ATP8A2: variants seen among roughly 807,000 people sequenced by gnomAD.
ATP8A2 encodes the protein ATPase phospholipid transporting 8A2, also known as phospholipid-transporting ATPase IB.
Under a neutral mutation model 165.6 loss-of-function variants are expected in ATP8A2, and 100 were observed. The observed-to-expected ratio is 0.60, with a 90% CI of 0.51 to 0.71. The LOEUF (loss-of-function observed/expected upper bound fraction) is 0.71. ATP8A2 is among the 30% of genes least tolerant of loss of function. The pLI is 0.00. For synonymous variants in ATP8A2, 543 were observed against 548.8 expected, an observed-to-expected ratio of 0.99 and a Z score of 0.15; for missense variants, 1,227 against 1,479.5, an observed-to-expected ratio of 0.83 and a Z score of 2.80.
intron 27 of ATP8A2, among the ~76,000 whole-genome samples, chr13:25,780,513 A>G (rs1191152720): frequency 1.3e-5 from 2 of 152,168 alleles, no homozygotes; most frequent in Admixed American, 6.5e-5. Flanking sequence ...TTGGGGACCA[A>G]ATGAAACTGA....
intron 24 of ATP8A2, among the ~76,000 whole-genome samples, chr13:25,592,794 A>G (rs2040125253): frequency 6.6e-6 from 1 of 152,208 alleles, no homozygotes; most frequent in Non-Finnish European, 1.5e-5. Context: ...TGGTTTACCT[A>G]GACCAAAGAG....
rs1348673795 is a variant in ATP8A2 at position 25,662,451 on chromosome 13, G to C, written c.2212-36722G>C. 2.6e-5 allele frequency among the ~76,000 whole-genome samples: 4 copies of C among 152,130 alleles called. No homozygotes were observed. The South Asian group carries it at 8.3e-4, about 32-fold the overall frequency. Reference sequence around the variant, plus strand: ...GGATTCTGACTCTCTGATTAACTTTGATGTTCTAACTTTACCTAGCGAATA... The same window carrying C: ...GGATTCTGACTCTCTGATTAACTTTCATGTTCTAACTTTACCTAGCGAATA... On this transcript the variant is annotated intron_variant, in intron 24 of 36. Coordinates refer to ENST00000381655, the MANE Select transcript of ATP8A2 (RefSeq NM_016529.6).
chr13:25,829,129 C>CTGA (rs1381477123), intron 28 of ATP8A2, among the ~76,000 whole-genome samples: 5 of 152,310 alleles, frequency 3.3e-5, no homozygotes, highest in Non-Finnish European at 5.9e-5. Context: ...ATGTAAAATG[C>CTGA]TGAATGCAGT....
chr13:25,706,709 G>A (rs899462412), intron 25 of ATP8A2, among the ~76,000 whole-genome samples: 4 of 152,074 alleles, frequency 2.6e-5, no homozygotes, highest in African/African-American at 7.2e-5. Context: ...CATCATGAAC[G>A]ATTAGTTATA....
intron 26 of ATP8A2, among the ~76,000 whole-genome samples, chr13:25,769,658 C>T (rs1021206519): frequency 6.7e-6 from 1 of 148,638 alleles, no homozygotes; most frequent in African/African-American, 2.5e-5. Flanking sequence ...TGTTGGGACA[C>T]CCCCTGGCTA....
At chr13:25,672,896 G>A (rs1056950581) in intron 24 of ATP8A2, among the ~76,000 whole-genome samples, 3 of 152,238 alleles carry the variant, frequency 2.0e-5, no homozygotes, top group Non-Finnish European at 4.4e-5. Flanking sequence ...CAATTACAGA[G>A]TGGGAGTGGG....
intron 25 of ATP8A2, among the ~76,000 whole-genome samples, chr13:25,712,777 G>A (rs2043181602): frequency 6.6e-6 from 1 of 152,164 alleles, no homozygotes; most frequent in South Asian, 2.1e-4. Flanking sequence ...AACTGAATTG[G>A]TGTATGTTAA....
intron 25 of ATP8A2, among the ~76,000 whole-genome samples, chr13:25,766,284 T>G (rs1366175689): frequency 6.6e-6 from 1 of 152,208 alleles, no homozygotes; most frequent in Non-Finnish European, 1.5e-5. Context: ...AAAGGAAAAC[T>G]TAAGTTTCTA....
chr13:25,803,214 T>C (rs1206319965), intron 27 of ATP8A2, among the ~76,000 whole-genome samples: 2 of 152,180 alleles, frequency 1.3e-5, no homozygotes, highest in African/African-American at 4.8e-5. Context: ...TATGTTTATG[T>C]ATTCGTAGTT....
At chr13:25,536,694 T>A (rs1181814348) in intron 6 of ATP8A2, among the ~76,000 whole-genome samples, 2 of 152,188 alleles carry the variant, frequency 1.3e-5, no homozygotes, top group Non-Finnish European at 2.9e-5. Flanking sequence ...GAATAGGAAA[T>A]AGAAAGCATA....
intron 15 of ATP8A2, among the ~76,000 whole-genome samples, chr13:25,562,817 C>G (rs1259623340): frequency 6.6e-6 from 1 of 151,956 alleles, no homozygotes; most frequent in Non-Finnish European, 1.5e-5. Context: ...TTTTTTCTGG[C>G]TGTGGAAGTT....
At chr13:25,866,690 G>A (rs1002466643) in intron 33 of ATP8A2, among the ~76,000 whole-genome samples, 2 of 152,014 alleles carry the variant, frequency 1.3e-5, no homozygotes, top group Admixed American at 6.6e-5. Context: ...ATAGTGAATT[G>A]CAAACTCTGG....
At chr13:25,472,840 C>T (rs970614529) in intron 2 of ATP8A2, among the ~76,000 whole-genome samples, 6 of 152,226 alleles carry the variant, frequency 3.9e-5, no homozygotes, top group East Asian at 1.9e-4. Flanking sequence ...CCCCTACTTT[C>T]CTCAACCCTA....
rs1193366855 is a variant in ATP8A2, at chr13:25,719,467, GTGGATGGA to G, written c.2384+20145_2384+20152del. 1.6e-3 allele frequency among the ~76,000 whole-genome samples: 238 copies of G among 150,242 alleles called. 4 individuals are homozygous for G. In the East Asian group the frequency reaches 0.026, roughly 16 times the overall value. ...GGTGGATGGGTGGATGGGTGGATGGGTGGATGGATGGATGGATGGATGGATGGATGATG... is the reference window on the plus strand; with the variant it reads ...GGTGGATGGGTGGATGGGTGGATGGGTGGATGGATGGATGGATGGATGATG... On this transcript the variant is annotated intron_variant, in intron 25 of 36. Coordinates refer to ENST00000381655, the MANE Select transcript of ATP8A2 (RefSeq NM_016529.6).
rs962033883 is a variant in ATP8A2 at position 25,722,973 on chromosome 13, T to C, written c.2384+23628T>C. On this transcript the variant is annotated intron_variant, in intron 25 of 36. Transcript: ENST00000381655. ...CATTATGAGTTATTTTGTTCAAGGT[T>C]ACTTGAGTTTACTCCGTGTTAATTC... 9.2e-5 allele frequency among the ~76,000 whole-genome samples: 14 copies of C among 152,386 alleles called. 1 individual carries two copies. Among genetic ancestry groups the C allele is most frequent in the Admixed American group, 3.3e-4 (5 of 15,308 alleles).
chr13:25,534,780 G>A (rs917484100), intron 6 of ATP8A2, among the ~76,000 whole-genome samples: 4 of 152,336 alleles, frequency 2.6e-5, no homozygotes, highest in African/African-American at 9.6e-5. Context: ...TTCCCTTAAG[G>A]AGTTTCAAAC....
Position 25,781,347 on chromosome 13 carries a change from T to G in ATP8A2, c.2679+6388T>G, listed in dbSNP as rs538060367. 9.8e-5 allele frequency among the ~76,000 whole-genome samples: 15 copies of G among 152,326 alleles called. 1 individual carries two copies. The South Asian group carries it at 1.9e-3, about 19-fold the overall frequency. On this transcript the variant is annotated intron_variant, in intron 27 of 36. Coordinates refer to ENST00000381655, the MANE Select transcript of ATP8A2 (RefSeq NM_016529.6). ...AAAACGTTTTCAGTAGATGAATACT[T>G]TGATTTTTTAAAATTGTTTTGCAAA...
At chr13:25,864,054 T>C (rs1353885828) in intron 33 of ATP8A2, among the ~76,000 whole-genome samples, 1 of 152,312 alleles carries the variant, frequency 6.6e-6, no homozygotes, top group East Asian at 1.9e-4. Context: ...AAGAAAAGTA[T>C]CCACTACAAG....
intron 35 of ATP8A2, among the ~76,000 whole-genome samples, chr13:25,977,305 G>C (rs1454347182): frequency 2.6e-5 from 4 of 152,152 alleles, no homozygotes; most frequent in Non-Finnish European, 5.9e-5. Context: ...AGAGTTCTTA[G>C]GAGAACAGCT....
Sources: gnomAD v4.1 joint callset for allele counts (sites outside exome capture counted in the v4.1 genomes callset) on GRCh38, gnomAD v4.1.1 for gene constraint, MANE v1.5 for transcripts, NCBI Gene and HGNC (gene_info 2026-07-23, HGNC 2026-07-21) for gene names.